The following PDIA3 variants were observed in gnomAD, a reference collection of about 807,000 sequenced individuals.
The protein encoded by PDIA3 is protein disulfide isomerase family A member 3, also known as protein disulfide-isomerase A3.
PDIA3 carries 16 observed loss-of-function variants against 56.9 expected under a neutral mutation model. That is an observed-to-expected ratio of 0.28 (90% CI 0.19 to 0.43). The LOEUF is 0.43. Ranked by LOEUF, PDIA3 falls within the 20% of genes least tolerant of loss-of-function variation. PDIA3 has a pLI of 1.00. For missense variants in PDIA3, 485 were observed against 621.3 expected (o/e 0.78, Z 2.33); for synonymous variants, 192 against 216.5 (o/e 0.89, Z 0.99).
intron 4 of PDIA3, among the ~76,000 whole-genome samples, chr15:43,762,442 C>T (rs1293414543): frequency 1.4e-5 from 2 of 146,512 alleles, no homozygotes; most frequent in Non-Finnish European, 3.0e-5. Flanking sequence ...ACCCGGGAGG[C>T]GGAGGTTGGG....
intron 7 of PDIA3, 140 bp downstream of exon 7, chr15:43,766,152 AATT>A: frequency 1.6e-6 from 1 of 623,152 alleles, no homozygotes; most frequent in Non-Finnish European, 2.5e-6. Context: ...AAAAAAAAAA[AATT>A]AAAGTAACTA....
rs1361504955 is a variant in PDIA3 at position 43,747,534 on chromosome 15, C to A, written c.167+828C>A. 3.3e-5 allele frequency among the ~76,000 whole-genome samples: 5 copies of A among 151,538 alleles called. No homozygotes were observed. In the East Asian group the frequency reaches 9.7e-4, roughly 29 times the overall value. ...GGAGAAGGAAGAGCAAATAAGATTT[C>A]TGGCCCAGTCAACTTGAGTGTTTGT... On this transcript the variant is annotated intron_variant, in intron 1 of 12. Coordinates refer to ENST00000300289, the MANE Select transcript of PDIA3 (RefSeq NM_005313.5).
intron 2 of PDIA3, 104 bp downstream of exon 2, chr15:43,754,006 T>C: frequency 3.8e-6 from 3 of 786,980 alleles, no homozygotes; most frequent in Non-Finnish European, 6.6e-6. Flanking sequence ...ATAAATAGTT[T>C]GTAAGATTAA....
intron 3 of PDIA3, among the ~76,000 whole-genome samples, chr15:43,761,007 A>G (rs547795887): frequency 6.6e-6 from 1 of 151,206 alleles, no homozygotes; most frequent in Non-Finnish European, 1.5e-5. Context: ...TGGGAGGCCA[A>G]GGTAGGTGGA....
At chr15:43,747,006 T>C (rs2086711395) in intron 1 of PDIA3, 1 of 472,424 alleles carries the variant, frequency 2.1e-6, no homozygotes, top group Non-Finnish European at 3.9e-6. Flanking sequence ...CAGTCCAATA[T>C]GTAGCTATAT....
chr15:43,767,003 G>T, intron 8 of PDIA3, 93 bp downstream of exon 8: 1 of 1,130,830 alleles, frequency 8.8e-7, no homozygotes, highest in South Asian at 1.3e-5. Flanking sequence ...CCTGGAATGT[G>T]AAGATAGGTC....
At position 43,770,285 on chromosome 15, in the gene PDIA3, G is replaced by A. The variant is rs2086873201; in HGVS notation, c.1302G>A (p.Met434Ile). 6.2e-7 allele frequency: 1 copy of A among 1,613,970 alleles called. No homozygotes were observed. Among genetic ancestry groups the A allele is most frequent in the Admixed American group, 1.7e-5 (1 of 60,002 alleles). Residue 434 changes from methionine to isoleucine, a missense_variant, in exon 11 of 13, where the codon ATG becomes ATA. Met to Ile is a conservative substitution (Grantham distance 10, BLOSUM62 1). Coordinates refer to ENST00000300289, the MANE Select transcript of PDIA3 (RefSeq NM_005313.5). ...SKDPNIVIAK[M>I]DATANDVPSP... The stretch of plus-strand genomic sequence containing the variant: ...ACCCAAATATCGTCATAGCCAAGAT[G>A]GATGCCACAGCCAATGATGTGCCTT...
intron 12 of PDIA3, 116 bp downstream of exon 12, chr15:43,770,696 T>A: frequency 1.3e-6 from 1 of 745,638 alleles, no homozygotes; most frequent in Admixed American, 2.4e-5. Flanking sequence ...GAGACGGAGT[T>A]TCGCTCTTGT....
At chr15:43,761,088 A>G (rs2086812308) in intron 3 of PDIA3, among the ~76,000 whole-genome samples, 1 of 151,636 alleles carries the variant, frequency 6.6e-6, no homozygotes, top group South Asian at 2.1e-4. Flanking sequence ...AAAATACAAA[A>G]AAAAGTAGCC....
At chr15:43,763,494 C>A (rs1596023414) in intron 5 of PDIA3, among the ~76,000 whole-genome samples, 2 of 152,188 alleles carry the variant, frequency 1.3e-5, no homozygotes, top group Admixed American at 1.3e-4. Flanking sequence ...CTCAAGTGTT[C>A]CACCCACCTC....
chr15:43,752,582 A>G (rs2086751702), intron 1 of PDIA3, among the ~76,000 whole-genome samples: 1 of 152,158 alleles, frequency 6.6e-6, no homozygotes, highest in African/African-American at 2.4e-5. Flanking sequence ...ACACTCCTTT[A>G]TCTTGAATTT....
intron 5 of PDIA3, 70 bp from the exon 6 acceptor site, chr15:43,765,380 C>CA (rs34708362): frequency 0.053 from 33,852 of 642,284 alleles, no homozygotes; most frequent in Middle Eastern, 0.062. Flanking sequence ...AACCCTATCT[C>CA]AAAAAAAAAA....
rs149063685 is a variant in PDIA3 at position 43,769,717 on chromosome 15, G to A, written c.1266+71G>A. On this transcript the variant is annotated intron_variant, in intron 10 of 12. Coordinates refer to ENST00000300289, the MANE Select transcript of PDIA3 (RefSeq NM_005313.5). ...TAAGTTTATGTATGTATTCAGCATT[G>A]GCTAATTTGGTTGGTTCCTAAGTAC... The A allele has an allele frequency of 6.0e-4, 917 of 1,525,114 alleles. 11 individuals are homozygous for A. The African/African-American group carries it at 0.011, about 18-fold the overall frequency. 94.5% of individuals were successfully genotyped at this position (1,525,114 alleles called of 1,614,324 possible).
At chr15:43,765,205 C>T (rs2086840284) in intron 5 of PDIA3, among the ~76,000 whole-genome samples, 1 of 152,000 alleles carries the variant, frequency 6.6e-6, no homozygotes, top group African/African-American at 2.4e-5. Flanking sequence ...ATGAGACCCC[C>T]ATCTCTACAA....
chr15:43,760,530 C>CTTT (rs199578385), intron 3 of PDIA3, among the ~76,000 whole-genome samples: 2 of 116,756 alleles, frequency 1.7e-5, no homozygotes, highest in African/African-American at 6.0e-5. Context: ...AAAAAAAAAA[C>CTTT]TTTTTTTTTT....
In PDIA3 at chr15:43,770,231, T is replaced by G. The variant is rs763980654; in HGVS notation, c.1267-19T>G. ...ACTGAAAACTTGAAATGTAAACATT[T>G]AACCTGTTTTATTAACAGCTCAGCA... is the stretch of plus-strand genomic sequence containing the variant. On this transcript the variant is annotated intron_variant, in intron 10 of 12. Transcript: ENST00000300289. The G allele has an allele frequency of 5.0e-6, 8 of 1,600,450 alleles. No homozygotes were observed. Among genetic ancestry groups the G allele is most frequent in the Non-Finnish European group, 6.9e-6 (8 of 1,167,744 alleles).
At chr15:43,751,132 GAA>G (rs59162344) in intron 1 of PDIA3, among the ~76,000 whole-genome samples, 6 of 55,766 alleles carry the variant, frequency 1.1e-4, no homozygotes, top group African/African-American at 2.3e-4. Context: ...ACTCCGTCTC[GAA>G]AAAAAAAAAA....
In PDIA3 at chr15:43,769,502, C is replaced by T. The variant is rs1226199897; in HGVS notation, c.1138-16C>T. ...TTTTTTATGTTACCAACTAGAGATT[C>T]TTCTGTGTTTTCCAGGTAGTGGTAG... On this transcript the variant is annotated splice_polypyrimidine_tract_variant and intron_variant, in intron 9 of 12. Transcript: ENST00000300289. 3 of 1,610,944 alleles carry T rather than the reference C, an allele frequency of 1.9e-6. No individual in the cohort carries two copies. Among genetic ancestry groups the T allele is most frequent in the Non-Finnish European group, 2.5e-6 (3 of 1,177,396 alleles).
intron 1 of PDIA3, among the ~76,000 whole-genome samples, chr15:43,749,977 T>TA (rs1332332631): frequency 2.0e-5 from 3 of 151,526 alleles, no homozygotes; most frequent in East Asian, 1.9e-4. Context: ...TTTTTTTTTT[T>TA]AACCTTATTC....
Sources: allele counts gnomAD v4.1 joint callset (sites outside exome capture counted in the v4.1 genomes callset), GRCh38; gene constraint gnomAD v4.1.1; transcripts MANE v1.5; gene names NCBI Gene and HGNC (gene_info 2026-07-23, HGNC 2026-07-21).